FCF1: variants seen among roughly 807,000 people sequenced by gnomAD.
FCF1 encodes the protein FCF1 rRNA-processing protein, also known as rRNA-processing protein FCF1 homolog.
A neutral mutation model predicts 32.5 loss-of-function variants in FCF1; 17 were observed. The ratio of observed to expected loss-of-function variants is 0.52; its 90% CI spans 0.36 to 0.78. FCF1 has a LOEUF of 0.78. FCF1 is among the 30% of genes least tolerant of loss of function. The pLI, the probability that FCF1 is intolerant of heterozygous loss-of-function variation, is 0.00. For synonymous variants in FCF1, 84 were observed against 78.4 expected, an observed-to-expected ratio of 1.07 and a Z score of -0.38; for missense variants, 201 against 241.1, an observed-to-expected ratio of 0.83 and a Z score of 1.10.
At chr14:74,732,086 C>A (rs1451337628) in intron 5 of FCF1, among the ~76,000 whole-genome samples, 1 of 151,948 alleles carries the variant, frequency 6.6e-6, no homozygotes, top group Non-Finnish European at 1.5e-5. Flanking sequence ...AGACCTTTTT[C>A]TGTGCAAATG....
chr14:74,730,914 G>A (rs1362321727), intron 5 of FCF1, among the ~76,000 whole-genome samples: 3 of 152,024 alleles, frequency 2.0e-5, no homozygotes, highest in Admixed American at 6.6e-5. Flanking sequence ...CAGGAGAATC[G>A]CTTGAACCCG....
intron 4 of FCF1, among the ~76,000 whole-genome samples, chr14:74,720,006 G>C (rs1317432612): frequency 1.3e-5 from 2 of 152,132 alleles, no homozygotes; most frequent in East Asian, 3.9e-4. Context: ...GCCGGGCGTG[G>C]TGGCAGGTCC....
rs970852638 is a variant in FCF1 at position 74,729,842 on chromosome 14, G to T, written c.366-2889G>T. On this transcript the variant is annotated intron_variant, in intron 5 of 7. Transcript: ENST00000341162. ...GGTTTCAAAGAACATATTTATTTCT[G>T]CCTTCATTTCGTTATGTACCCAGTA... Among the ~76,000 whole-genome samples the T allele has an allele frequency of 2.6e-5, 4 of 152,216 alleles. No homozygotes were observed. The East Asian group carries it at 7.7e-4, about 29-fold the overall frequency.
chr14:74,729,539 G>A (rs7155783), intron 5 of FCF1, among the ~76,000 whole-genome samples: 19 of 151,802 alleles, frequency 1.3e-4, no homozygotes, highest in African/African-American at 4.6e-4. Flanking sequence ...TTTGTTGATC[G>A]TTTCAAAAAA....
In FCF1 at chr14:74,713,169, T is replaced by G; in HGVS notation, c.-29T>G. The G allele has an allele frequency of 2.5e-6, 4 of 1,614,168 alleles. No homozygotes were observed. The highest frequency in any genetic ancestry group is 3.4e-6 in the Non-Finnish European group (4 of 1,180,036). Reference sequence around the variant, plus strand: ...GTAGAAGTATTGCGCCGTTGGTGATTACGGAAGAACCAGGAGTTTGGCGTG... The same window carrying G: ...GTAGAAGTATTGCGCCGTTGGTGATGACGGAAGAACCAGGAGTTTGGCGTG... On this transcript the variant is annotated 5_prime_UTR_variant, in exon 1 of 8. In the 5' UTR this introduces an upstream ATG that the reference lacks. Transcript: ENST00000341162.
chr14:74,732,552 G>A (rs1277091925), intron 5 of FCF1, among the ~76,000 whole-genome samples, 179 bp from the exon 6 acceptor site: 1 of 152,132 alleles, frequency 6.6e-6, no homozygotes, highest in African/African-American at 2.4e-5. Context: ...ATGACCCAAA[G>A]CACACTAGCT....
At chr14:74,728,413 G>T (rs1400611269) in intron 5 of FCF1, among the ~76,000 whole-genome samples, 1 of 151,582 alleles carries the variant, frequency 6.6e-6, no homozygotes, top group Admixed American at 6.6e-5. Context: ...TTTGTCTGTT[G>T]TTGGTGTATA....
chr14:74,719,129 CAAAAAAAAAAAAA>C (rs1167421434), intron 4 of FCF1, among the ~76,000 whole-genome samples: 3 of 34,304 alleles, frequency 8.7e-5, no homozygotes, highest in East Asian at 8.1e-4. Context: ...GACTCTGTCT[CAAAAAAAAAAAAA>C]AAAAAAAAAA....
intron 4 of FCF1, among the ~76,000 whole-genome samples, chr14:74,720,766 C>T (rs1258447928): frequency 6.6e-6 from 1 of 152,178 alleles, no homozygotes; most frequent in Non-Finnish European, 1.5e-5. Context: ...CCTGCAGCCA[C>T]AGCCTCCCAA....
At chr14:74,717,901 G>T (rs1324315358) in intron 4 of FCF1, among the ~76,000 whole-genome samples, 1 of 151,944 alleles carries the variant, frequency 6.6e-6, no homozygotes, top group African/African-American at 2.4e-5. Context: ...TTGAGACAGG[G>T]TCTTGCTTTG....
chr14:74,714,594 G>T (rs1026231373), intron 2 of FCF1, among the ~76,000 whole-genome samples: 2 of 152,074 alleles, frequency 1.3e-5, no homozygotes, highest in Non-Finnish European at 2.9e-5. Flanking sequence ...GAGAGATTCT[G>T]ACTAAAAAAT....
intron 3 of FCF1, 93 bp downstream of exon 3, chr14:74,715,036 A>C: frequency 7.8e-7 from 1 of 1,276,214 alleles, no homozygotes; most frequent in South Asian, 1.5e-5. Flanking sequence ...CTTATTTGTT[A>C]GTAAGTCTAG....
intron 5 of FCF1, among the ~76,000 whole-genome samples, chr14:74,730,173 C>T (rs1011569328): frequency 3.4e-5 from 5 of 149,228 alleles, no homozygotes; most frequent in Admixed American, 2.0e-4. Context: ...ACATGCAAAC[C>T]AATACTGCAT....
chr14:74,737,368 C>T lies in FCF1; in HGVS notation c.*2438C>T, dbSNP rs2090717049. ...AAACTCTGTCTCAAAAACAAACAAA[C>T]AAAAAACCTATGTATTTGTGGGGAT... On this transcript the variant is annotated 3_prime_UTR_variant, in exon 8 of 8. Transcript: ENST00000341162. The T allele has an allele frequency of 1.3e-5, 2 of 151,986 alleles. No individual in the cohort carries two copies. The highest frequency in any genetic ancestry group is 1.9e-4 in the East Asian group (1 of 5,150). 9.4% of individuals were successfully genotyped at this position (151,986 alleles called of 1,614,324 possible). A position where few individuals can be genotyped will look rare whatever the true frequency, so the allele number is the denominator to read the frequency against.
rs2140018966 is a variant in FCF1, at chr14:74,716,111, A to G, written c.292+12A>G. On this transcript the variant is annotated intron_variant, in intron 4 of 7. Coordinates refer to ENST00000341162, the MANE Select transcript of FCF1 (RefSeq NM_015962.5). ...TCTGTATGCCAAGTGTGAGTATCAT[A>G]CTTTTATGTTTCCGTGACATTTGTT... 6.2e-7 allele frequency: 1 copy of G among 1,610,884 alleles called. No homozygotes were observed. Among genetic ancestry groups the G allele is most frequent in the Non-Finnish European group, 8.5e-7 (1 of 1,177,254 alleles).
At chr14:74,718,982 T>G (rs2090459684) in intron 4 of FCF1, among the ~76,000 whole-genome samples, 1 of 151,158 alleles carries the variant, frequency 6.6e-6, no homozygotes, top group African/African-American at 2.4e-5. Context: ...ATACAAAAAT[T>G]AGCCAGGCGC....
In FCF1 at chr14:74,734,311, CAAAGCA is replaced by C. The variant is rs529303359; in HGVS notation, c.548+143_548+148del. ...CATAGTTATATTTGAAGAAATGAGA[CAAAGCA>C]AGAGCAAGAGCAAAAGAGAGAGATA... On this transcript the variant is annotated intron_variant, in intron 7 of 7. Transcript: ENST00000341162. The C allele has an allele frequency of 1.6e-3, 907 of 554,474 alleles. 4 individuals are homozygous for C. The highest frequency in any genetic ancestry group is 0.012 in the African/African-American group (657 of 53,434). 34.3% of individuals were successfully genotyped at this position (554,474 alleles called of 1,614,324 possible).
chr14:74,718,664 G>A (rs2090454497), intron 4 of FCF1, among the ~76,000 whole-genome samples: 1 of 151,730 alleles, frequency 6.6e-6, no homozygotes, highest in African/African-American at 2.4e-5. Context: ...TAGAGACGGG[G>A]TTTCTCTATG....
chr14:74,723,185 G>A, intron 4 of FCF1, 87 bp from the exon 5 acceptor site: 1 of 931,914 alleles, frequency 1.1e-6, no homozygotes, highest in East Asian at 2.5e-5. Flanking sequence ...AGTGTCCTGG[G>A]TCTTTTTAAA....
Sources: allele counts gnomAD v4.1 joint callset (sites outside exome capture counted in the v4.1 genomes callset), GRCh38; gene constraint gnomAD v4.1.1; transcripts MANE v1.5; gene names NCBI Gene and HGNC (gene_info 2026-07-23, HGNC 2026-07-21).